The following NCALD variants were observed in gnomAD, a reference collection of about 807,000 sequenced individuals.
NCALD encodes the protein neurocalcin delta, also known as neurocalcin-delta.
NCALD carries 10 observed loss-of-function variants against 18.6 expected under a neutral mutation model. The observed-to-expected ratio is 0.54, with a 90% CI of 0.33 to 0.91. The LOEUF is 0.91. Among genes scored for constraint, NCALD ranks in the 40% least tolerant of loss-of-function variants. NCALD has a pLI of 0.03. For synonymous variants in NCALD, 88 were observed against 87.4 expected, an observed-to-expected ratio of 1.01 and a Z score of -0.04; for missense variants, 184 against 247.6, an observed-to-expected ratio of 0.74 and a Z score of 1.72.
At chr8:102,043,938 C>T (rs571714832) in intron 1 of NCALD, among the ~76,000 whole-genome samples, 1 of 151,968 alleles carries the variant, frequency 6.6e-6, no homozygotes, top group African/African-American at 2.4e-5. Context: ...GAGACAAGGA[C>T]TCTGGTTACA....
chr8:102,007,354 A>G (rs1670389203), intron 2 of NCALD, among the ~76,000 whole-genome samples: 1 of 152,242 alleles, frequency 6.6e-6, no homozygotes, highest in Non-Finnish European at 1.5e-5. Flanking sequence ...TAAATATAAA[A>G]TTATTCCAAG....
At chr8:101,755,637 G>A (rs570035252) in intron 1 of NCALD, among the ~76,000 whole-genome samples, 1 of 152,272 alleles carries the variant, frequency 6.6e-6, no homozygotes, top group East Asian at 1.9e-4. Context: ...AGGCTTGCAG[G>A]CAGAAACCAG....
intron 2 of NCALD, among the ~76,000 whole-genome samples, chr8:102,017,570 C>G (rs1344357410): frequency 1.3e-5 from 2 of 152,272 alleles, no homozygotes; most frequent in Non-Finnish European, 2.9e-5. Context: ...TGGTGGGCAC[C>G]TGCAGTCCCA....
intron 1 of NCALD, among the ~76,000 whole-genome samples, chr8:101,730,151 G>A (rs1816753053): frequency 6.6e-6 from 1 of 151,922 alleles, no homozygotes; most frequent in Admixed American, 6.6e-5. Flanking sequence ...CTATAAACAG[G>A]ATCATTCTAT....
intron 4 of NCALD, among the ~76,000 whole-genome samples, chr8:101,836,253 C>A (rs1280957964): frequency 1.3e-5 from 2 of 152,170 alleles, no homozygotes; most frequent in East Asian, 3.8e-4. Flanking sequence ...AGAAGCTTAA[C>A]TTGGAAACTT....
intron 1 of NCALD, among the ~76,000 whole-genome samples, chr8:101,752,976 C>A (rs1586403739): frequency 6.9e-6 from 1 of 145,164 alleles, no homozygotes; most frequent in African/African-American, 2.9e-5. Context: ...TTCTTACAAG[C>A]CATCCCAATT....
intron 2 of NCALD, among the ~76,000 whole-genome samples, chr8:101,700,655 T>C (rs1815219966): frequency 6.6e-6 from 1 of 152,110 alleles, no homozygotes; most frequent in Non-Finnish European, 1.5e-5. Context: ...TAGGGGTTAT[T>C]CCCTTAACAC....
rs115831186 is a variant in NCALD at position 101,814,335 on chromosome 8, C to T, written c.-20+72806G>A. ...GGGATTTATGCCAGGTATGGTTTAA[C>T]ATTCAAAATCAATTAATGTAATTAA... On this transcript the variant is annotated intron_variant, in intron 4 of 6. Transcript: ENST00000311028. 5.7e-3 allele frequency among the ~76,000 whole-genome samples: 873 copies of T among 152,084 alleles called. 11 individuals carry two copies. Among genetic ancestry groups the T allele is most frequent in the African/African-American group, 0.018 (767 of 41,490 alleles).
intron 4 of NCALD, among the ~76,000 whole-genome samples, chr8:101,818,188 A>G (rs1813575890): frequency 6.6e-6 from 1 of 152,224 alleles, no homozygotes; most frequent in South Asian, 2.1e-4. Context: ...ATTATCATGC[A>G]CAGGACCTTT....
intron 4 of NCALD, among the ~76,000 whole-genome samples, chr8:101,844,187 C>T (rs1814769754): frequency 6.6e-6 from 1 of 152,154 alleles, no homozygotes. Flanking sequence ...TGGCATCCCA[C>T]TAGGGTCCAA....
intron 1 of NCALD, among the ~76,000 whole-genome samples, chr8:101,741,780 A>G (rs1243540262): frequency 1.4e-5 from 2 of 139,244 alleles, no homozygotes; most frequent in South Asian, 4.6e-4. Context: ...AAAAAAAAAA[A>G]AAAAAAATTA....
chr8:101,719,646 C>A lies in NCALD; in HGVS notation c.-17G>T. 6.4e-7 allele frequency: 1 copy of A among 1,551,680 alleles called. No individual in the cohort carries two copies. The highest frequency in any genetic ancestry group is 8.7e-7 in the Non-Finnish European group (1 of 1,153,518). The stretch of plus-strand genomic sequence containing the variant: ...TTTCCCCATCCTGGCGGCAAGAATT[C>A]AGCTGCAGATAGAAAAGAAAACATA... On this transcript the variant is annotated splice_region_variant and 5_prime_UTR_variant, in exon 2 of 4. Coordinates refer to ENST00000220931, the MANE Select transcript of NCALD (RefSeq NM_032041.3).
chr8:101,872,484 G>A, intron 4 of NCALD: 2 of 830,092 alleles, frequency 2.4e-6, no homozygotes, highest in Non-Finnish European at 2.1e-6. Context: ...TACTTTCCTT[G>A]GTGGGTAAGA....
At chr8:102,046,955 C>T (rs57919082) in intron 1 of NCALD, among the ~76,000 whole-genome samples, 17,526 of 152,060 alleles carry the variant, frequency 0.12, 1,112 homozygotes, top group African/African-American at 0.16. Flanking sequence ...TAACCTTTTC[C>T]GCTCCTCTCC....
At chr8:101,825,015 T>G (rs571925822) in intron 4 of NCALD, among the ~76,000 whole-genome samples, 2 of 152,368 alleles carry the variant, frequency 1.3e-5, no homozygotes, top group South Asian at 4.1e-4. Flanking sequence ...TTTGTTTCCC[T>G]CTTCTTTCTT....
At chr8:101,867,237 C>T (rs150922090) in intron 4 of NCALD, among the ~76,000 whole-genome samples, 75 of 152,262 alleles carry the variant, frequency 4.9e-4, no homozygotes, top group African/African-American at 1.4e-3. Context: ...AATTTCAAAC[C>T]GCCCCTACCT....
At chr8:101,916,233 A>G (rs926150419) in intron 2 of NCALD, among the ~76,000 whole-genome samples, 1 of 152,148 alleles carries the variant, frequency 6.6e-6, no homozygotes, top group Non-Finnish European at 1.5e-5. Context: ...CAGATGTATC[A>G]AAGTTTAGGG....
chr8:102,012,186 C>A (rs889997207), intron 2 of NCALD, among the ~76,000 whole-genome samples: 1 of 152,174 alleles, frequency 6.6e-6, no homozygotes, highest in Non-Finnish European at 1.5e-5. Flanking sequence ...CTCTGCCAAG[C>A]AAACTGTGCT....
chr8:101,915,849 T>C (rs947337772), exon 3 of NCALD: 2 of 152,148 alleles, frequency 1.3e-5, no homozygotes, highest in Non-Finnish European at 2.9e-5. Flanking sequence ...GAGACCAAAG[T>C]TGAGATAATC....
Sources: gnomAD v4.1 joint callset for allele counts (sites outside exome capture counted in the v4.1 genomes callset) on GRCh38, gnomAD v4.1.1 for gene constraint, MANE v1.5 for transcripts, NCBI Gene and HGNC (gene_info 2026-07-23, HGNC 2026-07-21) for gene names.